Variants in KDM8 observed in about 807,000 individuals in gnomAD.
The protein encoded by KDM8 is lysine demethylase 8.
In KDM8, 35 loss-of-function variants were observed where a neutral mutation model predicts 46.9. That is an observed-to-expected ratio of 0.75 (90% confidence interval 0.57 to 0.99). The LOEUF (loss-of-function observed/expected upper bound fraction) is 0.99, where lower values mean the gene tolerates loss of function less well. Ranked by LOEUF, KDM8 falls within the 50% of genes least tolerant of loss-of-function variation. KDM8 has a pLI of 0.00. For missense variants in KDM8, 475 were observed against 537.0 expected, an observed-to-expected ratio of 0.88 and a Z score of 1.14; for synonymous variants, 232 against 227.7, an observed-to-expected ratio of 1.02 and a Z score of -0.17.
chr16:27,218,255 C>G (rs988528413), intron 5 of KDM8, among the ~76,000 whole-genome samples: 12 of 151,802 alleles, frequency 7.9e-5, no homozygotes, highest in African/African-American at 2.4e-4. Flanking sequence ...GCACTCCGGA[C>G]TGGGTGACAG....
chr16:27,213,566 C>G lies in KDM8; in HGVS notation c.499-19C>G. 1 of 1,611,796 alleles carries G rather than the reference C, an allele frequency of 6.2e-7. No homozygotes were observed. The highest frequency in any genetic ancestry group is 8.5e-7 in the Non-Finnish European group (1 of 1,178,396). On this transcript the variant is annotated intron_variant, in intron 2 of 7. Coordinates refer to ENST00000286096, the MANE Select transcript of KDM8 (RefSeq NM_024773.3). ...TTCCTGAGGTGGTTGCTATTTTGTTCTGTTTTGATTTTAAACAGAAAGCAA... is the reference window on the plus strand; with the variant it reads ...TTCCTGAGGTGGTTGCTATTTTGTTGTGTTTTGATTTTAAACAGAAAGCAA...
intron 5 of KDM8, among the ~76,000 whole-genome samples, chr16:27,218,078 C>G (rs1315801362): frequency 6.6e-6 from 1 of 151,808 alleles, no homozygotes; most frequent in Non-Finnish European, 1.5e-5. Flanking sequence ...CTTTGGGAGA[C>G]CAAGCAGGAC....
At chr16:27,218,102 A>C (rs2083574389) in intron 5 of KDM8, among the ~76,000 whole-genome samples, 1 of 151,934 alleles carries the variant, frequency 6.6e-6, no homozygotes, top group African/African-American at 2.4e-5. Flanking sequence ...CCTGGACAAC[A>C]TAGCAAGACC....
intron 5 of KDM8, among the ~76,000 whole-genome samples, chr16:27,216,329 C>T (rs987221863): frequency 4.6e-5 from 7 of 151,718 alleles, no homozygotes; most frequent in Non-Finnish European, 7.4e-5. Flanking sequence ...GAGCCCTGGA[C>T]GTGGGTGGAT....
At chr16:27,218,848 A>AAC (rs1255600576) in intron 5 of KDM8, 113 bp from the exon 6 acceptor site, 25 of 1,212,286 alleles carry the variant, frequency 2.1e-5, no homozygotes, top group Non-Finnish European at 2.4e-5. Context: ...CCCTGTCTCA[A>AAC]ACACACACAC....
chr16:27,213,430 ATAG>A lies in KDM8; in HGVS notation c.499-151_499-149del. 5.8e-6 allele frequency: 4 copies of A among 692,620 alleles called. No homozygotes were observed. The South Asian group carries it at 8.6e-5, about 15-fold the overall frequency. 42.9% of individuals were successfully genotyped at this position (692,620 alleles called of 1,614,324 possible). A position where few individuals can be genotyped will look rare whatever the true frequency, so the allele number is the denominator to read the frequency against. On this transcript the variant is annotated intron_variant, in intron 2 of 7. Coordinates refer to ENST00000286096, the MANE Select transcript of KDM8 (RefSeq NM_024773.3). ...TTGATCTCATGAGGAGCAAATAGTA[ATAG>A]TAGCAGTAATAATAACAAACGTTGT...
At chr16:27,209,732 C>T (rs923213010) in intron 1 of KDM8, among the ~76,000 whole-genome samples, 4 of 152,190 alleles carry the variant, frequency 2.6e-5, no homozygotes, top group Non-Finnish European at 4.4e-5. Context: ...TGCAGGAACA[C>T]AGAACACTGT....
At chr16:27,213,819 C>A in intron 3 of KDM8, 68 bp downstream of exon 3, 1 of 1,507,656 alleles carries the variant, frequency 6.6e-7, no homozygotes, top group Non-Finnish European at 9.1e-7. Context: ...TCCCTGAATT[C>A]CTCCCGACCA....
In KDM8 at chr16:27,210,582, G is replaced by T; in HGVS notation, c.459G>T (p.Arg153Ser). The change falls in exon 2 of 8, where the codon AGG (arginine) becomes AGT (serine). Residue 153 changes from arginine (R) to serine (S), a missense_variant. Transcript: ENST00000286096. Reference sequence around the variant, plus strand: ...TCCAGACACACCTCCCTGGAAAGAGGCCTGCCCGTGGCTCCCTCCCAGAGC... The same window carrying T: ...TCCAGACACACCTCCCTGGAAAGAGTCCTGCCCGTGGCTCCCTCCCAGAGC... ...AILQTHLPGKRPARGSLPEQP... is the reference protein window; with the variant it reads ...AILQTHLPGKSPARGSLPEQP... 1.3e-6 allele frequency: 2 copies of T among 1,516,940 alleles called. No individual in the cohort carries two copies. The highest frequency in any genetic ancestry group is 1.8e-6 in the Non-Finnish European group (2 of 1,132,778). 94.0% of individuals were successfully genotyped at this position (1,516,940 alleles called of 1,614,324 possible).
chr16:27,218,922 C>A, intron 5 of KDM8, 39 bp from the exon 6 acceptor site: 1 of 1,612,924 alleles, frequency 6.2e-7, no homozygotes, highest in Non-Finnish European at 8.5e-7. Context: ...GTGTCCCCAG[C>A]CGGATCCCCA....
intron 1 of KDM8, 196 bp downstream of exon 1, chr16:27,203,832 GC>G (rs1377162561): frequency 2.3e-6 from 1 of 427,788 alleles, no homozygotes; most frequent in East Asian, 3.7e-5. Flanking sequence ...TCGCCGGCCT[GC>G]CCTGCGGGAG....
At chr16:27,208,794 A>G (rs1291043020) in intron 1 of KDM8, among the ~76,000 whole-genome samples, 1 of 152,220 alleles carries the variant, frequency 6.6e-6, no homozygotes, top group Non-Finnish European at 1.5e-5. Context: ...ACGCTCCAAG[A>G]AGGCTGTGAA....
At chr16:27,215,650 A>G (rs1198792428) in intron 4 of KDM8, among the ~76,000 whole-genome samples, 1 of 152,236 alleles carries the variant, frequency 6.6e-6, no homozygotes, top group African/African-American at 2.4e-5. Flanking sequence ...TTCACCAGCA[A>G]TTAACACAAG....
At chr16:27,204,141 G>C (rs1209007623) in intron 1 of KDM8, 2 of 1,535,944 alleles carry the variant, frequency 1.3e-6, no homozygotes, top group South Asian at 2.4e-5. Flanking sequence ...GGAGGGAAGG[G>C]GGTCTGAGGC....
At chr16:27,210,062 GTC>G in intron 1 of KDM8, 29 bp from the exon 2 acceptor site, 1 of 1,565,886 alleles carries the variant, frequency 6.4e-7, no homozygotes, top group African/African-American at 1.3e-5. Flanking sequence ...CTGTCCTGGT[GTC>G]TAACTCTTGT....
rs941914849 is a variant in KDM8, at chr16:27,220,925, C to T, written c.*195C>T. 5.8e-6 allele frequency: 4 copies of T among 689,580 alleles called. No individual in the cohort carries two copies. Among genetic ancestry groups the T allele is most frequent in the Non-Finnish European group, 1.0e-5 (4 of 385,334 alleles). 42.7% of individuals were successfully genotyped at this position (689,580 alleles called of 1,614,324 possible). On this transcript the variant is annotated 3_prime_UTR_variant, in exon 8 of 8. Transcript: ENST00000286096. The stretch of plus-strand genomic sequence containing the variant: ...AGCAGGGGCTGCCCAGGAAGGAGCA[C>T]ACTCCAGGCCAGGGGTGCATGGCAG...
intron 1 of KDM8, among the ~76,000 whole-genome samples, chr16:27,206,927 G>T (rs902794816): frequency 2.0e-5 from 3 of 152,252 alleles, no homozygotes; most frequent in African/African-American, 7.2e-5. Context: ...GACTCCTTCT[G>T]TAAGGCCATT....
chr16:27,220,832 G>A lies in KDM8; in HGVS notation c.*102G>A, dbSNP rs1362215746. On this transcript the variant is annotated 3_prime_UTR_variant, in exon 8 of 8. Coordinates refer to ENST00000286096, the MANE Select transcript of KDM8 (RefSeq NM_024773.3). ...TAGAGACAAGCAGGACTGAACCTGT[G>A]TCCTGAAGAGCCTTCACTGCCCAGT... is the stretch of plus-strand genomic sequence containing the variant. 1.4e-6 allele frequency: 2 copies of A among 1,400,392 alleles called. No homozygotes were observed. The highest frequency in any genetic ancestry group is 4.6e-5 in the East Asian group (2 of 43,766). 86.7% of individuals were successfully genotyped at this position (1,400,392 alleles called of 1,614,324 possible). A position where few individuals can be genotyped will look rare whatever the true frequency, so the allele number is the denominator to read the frequency against.
intron 1 of KDM8, chr16:27,204,274 C>T: frequency 4.3e-6 from 6 of 1,402,574 alleles, no homozygotes; most frequent in Non-Finnish European, 5.6e-6. Flanking sequence ...CGTTTCCCGG[C>T]AACGGTAGGA....
Sources: allele counts gnomAD v4.1 joint callset (sites outside exome capture counted in the v4.1 genomes callset), GRCh38; gene constraint gnomAD v4.1.1; transcripts MANE v1.5; gene names NCBI Gene and HGNC (gene_info 2026-07-23, HGNC 2026-07-21).